The following TP53BP1 variants were observed in gnomAD, a reference collection of about 807,000 sequenced individuals.
The protein encoded by TP53BP1 is TP53-binding protein 1.
Under a neutral mutation model 200.8 loss-of-function variants are expected in TP53BP1, and 61 were observed. The observed-to-expected ratio is 0.30, with a 90% CI of 0.25 to 0.38. The LOEUF is 0.38. Ranked by LOEUF, TP53BP1 falls within the 10% of genes least tolerant of loss-of-function variation. The probability of loss-of-function intolerance (pLI) is 1.00; values close to 1 mark genes in which losing one functional copy is unlikely to be tolerated. For synonymous variants in TP53BP1, 822 were observed against 844.3 expected (o/e 0.97, Z 0.46); for missense variants, 2,144 against 2,371.9 (o/e 0.90, Z 2.00).
At chr15:43,488,394 A>G (rs2079075525) in intron 4 of TP53BP1, among the ~76,000 whole-genome samples, 1 of 152,144 alleles carries the variant, frequency 6.6e-6, no homozygotes, top group Non-Finnish European at 1.5e-5. Flanking sequence ...AGAATGGATT[A>G]ATGGCTGCCA....
At chr15:43,507,490 T>C (rs1240122342) in intron 1 of TP53BP1, among the ~76,000 whole-genome samples, 1 of 152,218 alleles carries the variant, frequency 6.6e-6, no homozygotes, top group Non-Finnish European at 1.5e-5. Context: ...GTCAAGACCC[T>C]CCACTGGTAA....
chr15:43,496,848 C>A (rs765034894), upstream of TP53BP1, among the ~76,000 whole-genome samples: 1 of 152,044 alleles, frequency 6.6e-6, no homozygotes, highest in Non-Finnish European at 1.5e-5. Flanking sequence ...TCTCGAACTC[C>A]GGCCTCAGGT....
At chr15:43,420,011 TCAA>T (rs928466480) in intron 21 of TP53BP1, among the ~76,000 whole-genome samples, 1 of 152,150 alleles carries the variant, frequency 6.6e-6, no homozygotes, top group Non-Finnish European at 1.5e-5. Flanking sequence ...ACACCAGATG[TCAA>T]CAATAGGGAA....
At chr15:43,473,388 A>C (rs1206450485) in intron 10 of TP53BP1, among the ~76,000 whole-genome samples, 1 of 152,168 alleles carries the variant, frequency 6.6e-6, no homozygotes, top group Non-Finnish European at 1.5e-5. Flanking sequence ...TCCCTGAGCT[A>C]GACACAAAGG....
At chr15:43,448,971 A>G (rs1299567523) in intron 12 of TP53BP1, among the ~76,000 whole-genome samples, 3 of 152,078 alleles carry the variant, frequency 2.0e-5, no homozygotes, top group African/African-American at 7.2e-5. Flanking sequence ...CACTAAAAAT[A>G]CAAAAATTAG....
chr15:43,469,476 G>A (rs553589946), intron 11 of TP53BP1, among the ~76,000 whole-genome samples: 5 of 152,152 alleles, frequency 3.3e-5, no homozygotes, highest in African/African-American at 4.8e-5. Context: ...GGCACATATC[G>A]TCAGGACCTC....
intron 19 of TP53BP1, chr15:43,421,654 T>G: frequency 1.4e-6 from 1 of 711,304 alleles, no homozygotes; most frequent in Non-Finnish European, 2.3e-6. Context: ...GCTTTGCCAA[T>G]GAAGTCTACC....
chr15:43,420,520 T>C lies in TP53BP1; in HGVS notation c.4466A>G (p.Asn1489Ser). The C allele has an allele frequency of 2.5e-6, 4 of 1,614,166 alleles. No individual in the cohort carries two copies. The highest frequency in any genetic ancestry group is 3.4e-6 in the Non-Finnish European group (4 of 1,180,036). ...SDGLDASSPG[N>S]SFVGLRVVAK... ...TACAACACGGAGCCCTACAAAGCTA[T>C]TTCCTGGAGAGGAGGCATCTAAGCC... The change falls in exon 21 of 28, where the codon AAT becomes AGT. Residue 1489 changes from asparagine to serine, a missense_variant. Transcript: ENST00000382044.
At chr15:43,493,945 T>G (rs1340709919), upstream of TP53BP1, among the ~76,000 whole-genome samples, 1 of 152,176 alleles carries the variant, frequency 6.6e-6, no homozygotes, top group African/African-American at 2.4e-5. Flanking sequence ...CCCTTCTAAC[T>G]AGATGACCTC....
At chr15:43,436,073 C>A (rs1394770585) in intron 16 of TP53BP1, among the ~76,000 whole-genome samples, 1 of 151,880 alleles carries the variant, frequency 6.6e-6, no homozygotes, top group African/African-American at 2.4e-5. Flanking sequence ...CTCACTATAA[C>A]CTCCACCTCC....
At position 43,404,375 on chromosome 15, in the gene TP53BP1, G is replaced by C; in HGVS notation, c.*3008C>G. On this transcript the variant is annotated 3_prime_UTR_variant, in exon 28 of 28. Coordinates refer to ENST00000382044, the MANE Select transcript of TP53BP1 (RefSeq NM_001141980.3). ...CATCCTCCATATGGAGAGTTGGTGAGCTGAAGTGGAATGACAGCTGAGTCC... is the reference window on the plus strand; with the variant it reads ...CATCCTCCATATGGAGAGTTGGTGACCTGAAGTGGAATGACAGCTGAGTCC... 6.2e-7 allele frequency: 1 copy of C among 1,612,448 alleles called. No individual in the cohort carries two copies. Among genetic ancestry groups the C allele is most frequent in the South Asian group, 1.1e-5 (1 of 90,878 alleles).
At chr15:43,423,500 CA>C (rs1233911403) in intron 18 of TP53BP1, among the ~76,000 whole-genome samples, 1 of 126,722 alleles carries the variant, frequency 7.9e-6, no homozygotes, top group Non-Finnish European at 1.6e-5. Context: ...TCTACTAACA[CA>C]AAAAAAATAG....
rs530394403 is a variant in TP53BP1, at chr15:43,404,962, C to G, written c.*2421G>C. 14 of 542,842 alleles carry G rather than the reference C, an allele frequency of 2.6e-5. No homozygotes were observed. The highest frequency in any genetic ancestry group is 4.5e-5 in the Non-Finnish European group (14 of 308,622). 33.6% of individuals were successfully genotyped at this position (542,842 alleles called of 1,614,324 possible). A position where few individuals can be genotyped will look rare whatever the true frequency, so the allele number is the denominator to read the frequency against. ...TTTAAAAAAAACTGATACCGAGATT[C>G]AGTGGTAGCTGGCTTCCCAGAGGTC... is the stretch of plus-strand genomic sequence containing the variant. On this transcript the variant is annotated 3_prime_UTR_variant, in exon 28 of 28. Coordinates refer to ENST00000382044, the MANE Select transcript of TP53BP1 (RefSeq NM_001141980.3).
intron 1 of TP53BP1, among the ~76,000 whole-genome samples, chr15:43,507,745 T>A (rs772290576): frequency 6.6e-6 from 1 of 151,814 alleles, no homozygotes; most frequent in East Asian, 1.9e-4. Flanking sequence ...CTGTTTGAGA[T>A]AAGAGGCTTG....
intron 18 of TP53BP1, among the ~76,000 whole-genome samples, chr15:43,424,558 G>C (rs181696063): frequency 2.3e-4 from 35 of 152,316 alleles, no homozygotes; most frequent in African/African-American, 8.2e-4. Context: ...CTGGCACATA[G>C]TATGTGCTCA....
Position 43,409,717 on chromosome 15 carries a change from T to C in TP53BP1, c.5330A>G (p.Asn1777Ser), listed in dbSNP as rs2045048456. The C allele has an allele frequency of 1.9e-6, 3 of 1,559,338 alleles. No homozygotes were observed. Among genetic ancestry groups the C allele is most frequent in the East Asian group, 2.3e-5 (1 of 43,450 alleles). ...EEEFLEIPPF[N>S]KQYTESQLRA... is the part of the protein sequence containing the mutation. ...AAGCTGGGATTCTGTATACTGCTTG[T>C]TGAAAGGAGGAATTTCCAAAAATTC... The change falls in exon 25 of 28, where the codon AAC becomes AGC. Residue 1777 changes from asparagine to serine, a missense_variant. Transcript: ENST00000382044.
In TP53BP1 at chr15:43,457,130, TCA is replaced by T; in HGVS notation, c.1476_1477del (p.Glu493ValfsTer3). On this transcript the variant is annotated frameshift_variant, in exon 12 of 28. Coordinates refer to ENST00000382044, the MANE Select transcript of TP53BP1 (RefSeq NM_001141980.3). LOFTEE classifies it high-confidence loss of function. ...TTCAATCTCTGAAGTTTTAGAACAC[TCA>T]ACTGTCAAAGATGAACTATGCATAT... 6.2e-7 allele frequency: 1 copy of T among 1,614,108 alleles called. No homozygotes were observed. Among genetic ancestry groups the T allele is most frequent in the Non-Finnish European group, 8.5e-7 (1 of 1,179,960 alleles).
chr15:43,462,483 T>C (rs2046462638), intron 11 of TP53BP1, among the ~76,000 whole-genome samples: 1 of 151,844 alleles, frequency 6.6e-6, no homozygotes, highest in Non-Finnish European at 1.5e-5. Context: ...CTAATTTTTT[T>C]TTTCTTTTGG....
At chr15:43,478,110 C>T (rs1305692717) in intron 7 of TP53BP1, among the ~76,000 whole-genome samples, 1 of 152,170 alleles carries the variant, frequency 6.6e-6, no homozygotes, top group African/African-American at 2.4e-5. Context: ...CCAATGATGC[C>T]AGTAAGGAGA....
Sources: gnomAD v4.1 joint callset for allele counts (sites outside exome capture counted in the v4.1 genomes callset) on GRCh38, gnomAD v4.1.1 for gene constraint, MANE v1.5 for transcripts, NCBI Gene and HGNC (gene_info 2026-07-23, HGNC 2026-07-21) for gene names.